Variants in SRRM4 observed in about 807,000 individuals in gnomAD.
SRRM4 encodes the protein serine/arginine repetitive matrix 4.
Under a neutral mutation model 68.9 loss-of-function variants are expected in SRRM4, and 33 were observed. That is an observed-to-expected ratio of 0.48 (90% CI 0.36 to 0.64). The LOEUF is 0.64. SRRM4 is among the 30% of genes least tolerant of loss of function. The pLI, the probability that SRRM4 is intolerant of heterozygous loss-of-function variation, is 0.00. For missense variants in SRRM4, 817 were observed against 827.1 expected (o/e 0.99, Z 0.15); for synonymous variants, 318 against 318.8 (o/e 1.00, Z 0.03).
At chr12:119,079,462 A>G (rs1432335286) in intron 1 of SRRM4, among the ~76,000 whole-genome samples, 1 of 152,184 alleles carries the variant, frequency 6.6e-6, no homozygotes, top group East Asian at 1.9e-4. Context: ...GCTACAGTCC[A>G]AGATCTGAAT....
At chr12:119,046,917 A>G (rs1953711269) in intron 1 of SRRM4, among the ~76,000 whole-genome samples, 1 of 151,920 alleles carries the variant, frequency 6.6e-6, no homozygotes. Context: ...CTGTAGTCCC[A>G]GCTACTCCAG....
rs56724849 is a variant in SRRM4, at chr12:119,156,698, C to T, written c.1736C>T (p.Ser579Phe). The stretch of plus-strand genomic sequence containing the variant: ...AGCTCCCGCAGCCCTAGTCCGGGCT[C>T]CCGCAGCCGGAGCCGGAGCAGGAGC... ...SSSSRSPSPG[S>F]RSRSRSRSRS... The change falls in exon 13 of 13, where the codon TCC (serine) becomes TTC (phenylalanine). Residue 579 changes from serine to phenylalanine, a missense_variant. Coordinates refer to ENST00000267260, the MANE Select transcript of SRRM4 (RefSeq NM_194286.4). 1.1e-3 allele frequency: 1,672 copies of T among 1,548,660 alleles called. 21 individuals carry two copies. The African/African-American group carries it at 0.02, about 18-fold the overall frequency.
intron 1 of SRRM4, among the ~76,000 whole-genome samples, chr12:119,095,164 C>G (rs543057805): frequency 6.6e-6 from 1 of 152,160 alleles, no homozygotes; most frequent in Non-Finnish European, 1.5e-5. Flanking sequence ...AGTCGGAATG[C>G]CAAGACCTCA....
intron 1 of SRRM4, among the ~76,000 whole-genome samples, chr12:119,015,936 T>A (rs1431231230): frequency 6.6e-6 from 1 of 152,118 alleles, no homozygotes; most frequent in Admixed American, 6.5e-5. Flanking sequence ...GCCTTGCATA[T>A]TCATGCCCAC....
chr12:118,985,467 G>A (rs923226028), intron 1 of SRRM4, among the ~76,000 whole-genome samples: 1 of 152,112 alleles, frequency 6.6e-6, no homozygotes, highest in Non-Finnish European at 1.5e-5. Flanking sequence ...GTGATTTATA[G>A]TTTATATCAA....
At chr12:119,076,455 G>A (rs1464670064) in intron 1 of SRRM4, among the ~76,000 whole-genome samples, 1 of 152,136 alleles carries the variant, frequency 6.6e-6, no homozygotes, top group African/African-American at 2.4e-5. Context: ...AGGATGCCTG[G>A]GCTCCTCCCT....
At chr12:119,155,900 CTAAGAT>C (rs1954468388) in intron 12 of SRRM4, among the ~76,000 whole-genome samples, 1 of 152,114 alleles carries the variant, frequency 6.6e-6, no homozygotes, top group Non-Finnish European at 1.5e-5. Context: ...TAGAGGAAAG[CTAAGAT>C]AGAGAGTGGC....
intron 1 of SRRM4, among the ~76,000 whole-genome samples, chr12:119,044,176 T>C (rs1953689747): frequency 6.6e-6 from 1 of 152,206 alleles, no homozygotes; most frequent in Admixed American, 6.5e-5. Context: ...CTATTTCCTG[T>C]ACTTCTAACA....
chr12:119,082,546 G>A (rs1395116096), intron 1 of SRRM4, among the ~76,000 whole-genome samples: 1 of 152,204 alleles, frequency 6.6e-6, no homozygotes, highest in Non-Finnish European at 1.5e-5. Context: ...CAGTGCATAA[G>A]GATGCATTTG....
In SRRM4 at chr12:119,153,601, G is replaced by A. The variant is rs765867630; in HGVS notation, c.1343G>A (p.Ser448Asn). Residue 448 changes from serine to asparagine, a missense_variant, in exon 11 of 13, where the codon AGC becomes AAC. By Grantham distance (46) the Ser-to-Asn change is conservative. Coordinates refer to ENST00000267260, the MANE Select transcript of SRRM4 (RefSeq NM_194286.4). ...GGCAAGAGGAGCCCGCCCAGCAGAAGCTCTAGGTCCCGCCGCAGCCCTAGC... is the reference window on the plus strand; with the variant it reads ...GGCAAGAGGAGCCCGCCCAGCAGAAACTCTAGGTCCCGCCGCAGCCCTAGC... The part of the protein sequence containing the change: ...KSGKRSPPSR[S>N]SRSRRSPSYS... The A allele has an allele frequency of 6.4e-7, 1 of 1,572,744 alleles. No homozygotes were observed. The highest frequency in any genetic ancestry group is 1.2e-5 in the South Asian group (1 of 85,324).
chr12:119,127,148 A>G (rs1221141573), intron 7 of SRRM4, among the ~76,000 whole-genome samples: 2 of 151,522 alleles, frequency 1.3e-5, no homozygotes, highest in African/African-American at 2.4e-5. Flanking sequence ...AGCATGGCAC[A>G]TGTATACATA....
At position 119,139,241 on chromosome 12, in the gene SRRM4, A is replaced by G. The variant is rs182484025; in HGVS notation, c.772-6140A>G. On this transcript the variant is annotated intron_variant, in intron 8 of 12. Transcript: ENST00000267260. ...TAGGAAGGCAATACCCAGGGATGGA[A>G]GGGCAGAGGCAAGACCATGGGAGGC... Among the ~76,000 whole-genome samples, 9 of 152,276 alleles carry G rather than the reference A, an allele frequency of 5.9e-5. No individual in the cohort carries two copies. The East Asian group carries it at 1.7e-3, about 29-fold the overall frequency.
At chr12:119,082,771 C>A (rs1470372783) in intron 1 of SRRM4, among the ~76,000 whole-genome samples, 1 of 152,196 alleles carries the variant, frequency 6.6e-6, no homozygotes, top group Non-Finnish European at 1.5e-5. Context: ...TAGCCTGAAG[C>A]ACAAGATGTC....
At chr12:119,020,094 C>A (rs1953506953) in intron 1 of SRRM4, among the ~76,000 whole-genome samples, 1 of 151,850 alleles carries the variant, frequency 6.6e-6, no homozygotes, top group South Asian at 2.1e-4. Context: ...AAACTCCAGC[C>A]CTCACTTTCC....
intron 7 of SRRM4, among the ~76,000 whole-genome samples, chr12:119,126,119 G>T (rs1293339579): frequency 7.1e-6 from 1 of 139,896 alleles, no homozygotes; most frequent in African/African-American, 2.7e-5. Context: ...CACCTCCTGG[G>T]TTCAAGCGAT....
At chr12:119,034,203 A>G (rs1953611794) in intron 1 of SRRM4, among the ~76,000 whole-genome samples, 2 of 152,190 alleles carry the variant, frequency 1.3e-5, no homozygotes, top group Admixed American at 1.3e-4. Context: ...GGATCTTTTC[A>G]AGTTGTCTGG....
intron 1 of SRRM4, among the ~76,000 whole-genome samples, chr12:119,071,121 T>C (rs762900553): frequency 1.3e-5 from 2 of 152,246 alleles, no homozygotes; most frequent in Non-Finnish European, 2.9e-5. Context: ...ACAAGCCTGG[T>C]AGCTTCTTTA....
At chr12:119,093,978 G>A (rs940326809) in intron 1 of SRRM4, among the ~76,000 whole-genome samples, 9 of 152,092 alleles carry the variant, frequency 5.9e-5, no homozygotes, top group African/African-American at 1.9e-4. Flanking sequence ...TTCAAAACCC[G>A]GTCAGGTTGG....
At chr12:119,003,171 T>C (rs1186638679) in intron 1 of SRRM4, among the ~76,000 whole-genome samples, 1 of 151,738 alleles carries the variant, frequency 6.6e-6, no homozygotes, top group South Asian at 2.1e-4. Context: ...GAAGGGCATA[T>C]GGAAAGAAGG....
Sources: allele counts gnomAD v4.1 joint callset (sites outside exome capture counted in the v4.1 genomes callset), GRCh38; gene constraint gnomAD v4.1.1; transcripts MANE v1.5; gene names NCBI Gene and HGNC (gene_info 2026-07-23, HGNC 2026-07-21).